PLCL2: variants seen among roughly 807,000 people sequenced by gnomAD.
PLCL2 encodes the protein inactive phospholipase C-like protein 2.
In PLCL2, 4 loss-of-function variants were observed where a neutral mutation model predicts 79.6. The ratio of observed to expected loss-of-function variants is 0.05; its 90% CI spans 0.02 to 0.11. PLCL2 has a LOEUF of 0.11. PLCL2 is among the 10% of genes least tolerant of loss of function. The pLI is 1.00. For synonymous variants in PLCL2, 484 were observed against 457.7 expected (o/e 1.06, Z -0.73); for missense variants, 895 against 1,291.0 (o/e 0.69, Z 4.70).
chr3:16,888,179 T>C (rs1575510732), intron 1 of PLCL2, among the ~76,000 whole-genome samples: 2 of 152,222 alleles, frequency 1.3e-5, no homozygotes, highest in African/African-American at 4.8e-5. Flanking sequence ...GGACTATTGC[T>C]AAAGTGCAGG....
At chr3:17,086,088 C>T (rs571153810) in intron 5 of PLCL2, among the ~76,000 whole-genome samples, 4 of 151,946 alleles carry the variant, frequency 2.6e-5, no homozygotes, top group African/African-American at 4.8e-5. Context: ...ATTGACAAAC[C>T]GATTCCAAAG....
At chr3:16,898,893 A>G (rs1267006185) in intron 1 of PLCL2, among the ~76,000 whole-genome samples, 1 of 151,126 alleles carries the variant, frequency 6.6e-6, no homozygotes, top group Non-Finnish European at 1.5e-5. Context: ...GCTTGGGGCC[A>G]GAGGCCCCAG....
chr3:16,909,479 C>T (rs1696824966), intron 1 of PLCL2, among the ~76,000 whole-genome samples: 1 of 152,236 alleles, frequency 6.6e-6, no homozygotes, highest in Middle Eastern at 3.4e-3. Flanking sequence ...TTTTAGATAT[C>T]GCTATTTTTA....
chr3:17,073,689 T>G (rs2124947794), intron 5 of PLCL2, among the ~76,000 whole-genome samples: 1 of 152,350 alleles, frequency 6.6e-6, no homozygotes, highest in East Asian at 1.9e-4. Flanking sequence ...GTATGTAATA[T>G]TCTAACTCCT....
chr3:17,036,728 A>AAAAC (rs1449330711), intron 3 of PLCL2, among the ~76,000 whole-genome samples: 1 of 152,212 alleles, frequency 6.6e-6, no homozygotes, highest in Non-Finnish European at 1.5e-5. Context: ...AGGCTGTTTT[A>AAAAC]GTCCATTTTG....
chr3:16,982,799 G>C (rs189418420), intron 1 of PLCL2, among the ~76,000 whole-genome samples: 1 of 151,190 alleles, frequency 6.6e-6, no homozygotes, highest in East Asian at 1.9e-4. Flanking sequence ...GAAAAATAAA[G>C]GAAAAAAAAA....
intron 5 of PLCL2, among the ~76,000 whole-genome samples, chr3:17,085,354 A>C (rs4685428): frequency 0.54 from 82,606 of 151,784 alleles, 22,936 homozygotes; most frequent in African/African-American, 0.65. Flanking sequence ...CCAGGCCAGT[A>C]TTGAACTCCT....
At chr3:16,930,720 C>T (rs1264183773) in intron 1 of PLCL2, among the ~76,000 whole-genome samples, 1 of 152,160 alleles carries the variant, frequency 6.6e-6, no homozygotes. Flanking sequence ...TCTCAAGTCG[C>T]TTATTTTCTT....
At chr3:17,072,881 G>T (rs2065073927) in intron 5 of PLCL2, among the ~76,000 whole-genome samples, 1 of 152,138 alleles carries the variant, frequency 6.6e-6, no homozygotes, top group East Asian at 1.9e-4. Context: ...AGGAATAGCA[G>T]GGAAAAGAGA....
chr3:16,944,930 T>C (rs2063586713), intron 1 of PLCL2, among the ~76,000 whole-genome samples: 1 of 151,988 alleles, frequency 6.6e-6, no homozygotes, highest in African/African-American at 2.4e-5. Context: ...CGGGTAATTT[T>C]TGTACTTTTA....
chr3:16,895,111 T>C (rs1452081809), intron 1 of PLCL2, among the ~76,000 whole-genome samples: 1 of 152,054 alleles, frequency 6.6e-6, no homozygotes. Flanking sequence ...TATATCGATA[T>C]AGATATATGT....
At chr3:17,047,991 A>C (rs1397292732) in intron 4 of PLCL2, among the ~76,000 whole-genome samples, 1 of 152,154 alleles carries the variant, frequency 6.6e-6, no homozygotes, top group Non-Finnish European at 1.5e-5. Context: ...TATCTTACAT[A>C]AAAGAGGATG....
intron 1 of PLCL2, among the ~76,000 whole-genome samples, chr3:16,998,498 A>T (rs2064176331): frequency 6.6e-6 from 1 of 152,224 alleles, no homozygotes. Context: ...TTTGCCAGCC[A>T]CTTAAGTACC....
intron 1 of PLCL2, among the ~76,000 whole-genome samples, chr3:16,920,227 A>C (rs1182467163): frequency 2.0e-5 from 3 of 152,186 alleles, no homozygotes; most frequent in Non-Finnish European, 4.4e-5. Context: ...CATGGATTCC[A>C]GATTCTGGAA....
chr3:17,081,395 A>C, intron 5 of PLCL2: 1 of 369,842 alleles, frequency 2.7e-6, no homozygotes, highest in South Asian at 2.0e-5. Flanking sequence ...GGGAAGTCTT[A>C]GCTGCCGCAC....
chr3:17,010,018 G>T lies in PLCL2; in HGVS notation c.672G>T (p.Glu224Asp). 1 of 1,613,598 alleles carries T rather than the reference G, an allele frequency of 6.2e-7. No homozygotes were observed. Among genetic ancestry groups the T allele is most frequent in the Non-Finnish European group, 8.5e-7 (1 of 1,179,552 alleles). ...EDCAFSVIYG[E>D]NYESLDLVAN... Reference sequence around the variant, plus strand: ...GTGCGTTTTCCGTCATATATGGAGAGAATTATGAGTCACTGGATTTGGTTG... The same window carrying T: ...GTGCGTTTTCCGTCATATATGGAGATAATTATGAGTCACTGGATTTGGTTG... Residue 224 changes from glutamate (E) to aspartate (D), a missense_variant, in exon 2 of 6, where the codon GAG becomes GAT. By Grantham distance (45) the Glu-to-Asp change is conservative. Coordinates refer to ENST00000615277, the MANE Select transcript of PLCL2 (RefSeq NM_001144382.2). This position sits in a 1 kb window ranked among gnomAD's most constrained non-coding sequence, Gnocchi z 5.8.
intron 1 of PLCL2, among the ~76,000 whole-genome samples, chr3:16,969,940 T>G (rs1245935792): frequency 1.3e-5 from 2 of 151,814 alleles, no homozygotes; most frequent in Non-Finnish European, 2.9e-5. Flanking sequence ...ATTTCTTGAT[T>G]ACTGCCTTAA....
At chr3:17,071,805 T>G (rs1478587437) in intron 5 of PLCL2, among the ~76,000 whole-genome samples, 1 of 152,142 alleles carries the variant, frequency 6.6e-6, no homozygotes, top group Non-Finnish European at 1.5e-5. Context: ...ATAAAATAAG[T>G]TATGTCAGCA....
intron 1 of PLCL2, among the ~76,000 whole-genome samples, chr3:16,959,919 C>T (rs1367525800): frequency 2.6e-5 from 4 of 152,092 alleles, no homozygotes; most frequent in Non-Finnish European, 5.9e-5. Flanking sequence ...TCCTGGCTAA[C>T]ATAGTGAAAC....
Sources: gnomAD v4.1 joint callset for allele counts (sites outside exome capture counted in the v4.1 genomes callset) on GRCh38, gnomAD v4.1.1 for gene constraint, Gnocchi (gnomAD v3.1) non-coding constraint, MANE v1.5 for transcripts, NCBI Gene and HGNC (gene_info 2026-07-23, HGNC 2026-07-21) for gene names.